NKAIN2: variants seen among roughly 807,000 people sequenced by gnomAD.
NKAIN2 encodes sodium/potassium-transporting ATPase subunit beta-1-interacting protein 2.
A neutral mutation model predicts 32.6 loss-of-function variants in NKAIN2; 14 were observed. That is an observed-to-expected ratio of 0.43 (90% CI 0.28 to 0.67). NKAIN2 has a LOEUF of 0.67. Ranked by LOEUF, NKAIN2 falls within the 30% of genes least tolerant of loss-of-function variation. NKAIN2 has a pLI of 0.17. For missense variants in NKAIN2, 198 were observed against 258.3 expected (o/e 0.77, Z 1.60); for synonymous variants, 80 against 87.2 (o/e 0.92, Z 0.46).
At chr6:124,240,472 T>C (rs1793023967) in intron 1 of NKAIN2, among the ~76,000 whole-genome samples, 1 of 152,168 alleles carries the variant, frequency 6.6e-6, no homozygotes, top group South Asian at 2.1e-4. Context: ...ATATCCCTGA[T>C]GATCATCAGT....
intron 3 of NKAIN2, among the ~76,000 whole-genome samples, chr6:124,608,212 T>A (rs931985330): frequency 6.6e-6 from 1 of 152,134 alleles, no homozygotes; most frequent in Non-Finnish European, 1.5e-5. Context: ...CTCTTACCCA[T>A]GTTGTTTGTT....
At chr6:123,925,455 A>G (rs762888045) in intron 1 of NKAIN2, among the ~76,000 whole-genome samples, 20 of 152,188 alleles carry the variant, frequency 1.3e-4, no homozygotes, top group Non-Finnish European at 2.2e-4. Context: ...AAACCTGCTT[A>G]TGAATAGACT....
At chr6:124,414,469 C>A (rs1774370060) in intron 3 of NKAIN2, among the ~76,000 whole-genome samples, 1 of 152,008 alleles carries the variant, frequency 6.6e-6, no homozygotes, top group Non-Finnish European at 1.5e-5. Context: ...ATTTTCGTTA[C>A]TTGTATTTCT....
At chr6:124,667,844 A>G (rs987686833) in intron 4 of NKAIN2, among the ~76,000 whole-genome samples, 4 of 152,176 alleles carry the variant, frequency 2.6e-5, no homozygotes, top group South Asian at 2.1e-4. Flanking sequence ...CTTAAGCTAA[A>G]TAATTTTTAC....
intron 1 of NKAIN2, among the ~76,000 whole-genome samples, chr6:123,917,475 A>G (rs1407425058): frequency 6.6e-6 from 1 of 152,226 alleles, no homozygotes; most frequent in East Asian, 1.9e-4. Flanking sequence ...CATTCTGTCT[A>G]AAAGTTTGTT....
chr6:124,304,904 C>T (rs893408994), intron 2 of NKAIN2, among the ~76,000 whole-genome samples: 1 of 151,822 alleles, frequency 6.6e-6, no homozygotes, highest in African/African-American at 2.4e-5. Context: ...CAGAACAAGA[C>T]TTGCCTCCAA....
At chr6:124,170,966 A>C (rs186814605) in intron 1 of NKAIN2, among the ~76,000 whole-genome samples, 12 of 152,310 alleles carry the variant, frequency 7.9e-5, no homozygotes, top group Admixed American at 7.2e-4. Flanking sequence ...TCCTTAAAGA[A>C]AATTTACCGT....
intron 1 of NKAIN2, among the ~76,000 whole-genome samples, chr6:123,915,722 A>G (rs55721831): frequency 0.01 from 1,560 of 152,310 alleles, 25 homozygotes; most frequent in African/African-American, 0.036. Context: ...GCAGGATGTG[A>G]AAAGCACATG....
At chr6:124,227,350 T>C (rs914607262) in intron 1 of NKAIN2, among the ~76,000 whole-genome samples, 2 of 152,168 alleles carry the variant, frequency 1.3e-5, no homozygotes, top group African/African-American at 4.8e-5. Flanking sequence ...TAAAAGGAAG[T>C]AGAGCTATAA....
intron 3 of NKAIN2, among the ~76,000 whole-genome samples, chr6:124,551,483 C>A (rs1235040559): frequency 6.6e-6 from 1 of 152,058 alleles, no homozygotes; most frequent in Non-Finnish European, 1.5e-5. Context: ...CCCTTTTTCT[C>A]TCATCGCCCT....
chr6:124,472,066 T>A (rs1253386977), intron 3 of NKAIN2, among the ~76,000 whole-genome samples: 1 of 152,078 alleles, frequency 6.6e-6, no homozygotes, highest in Admixed American at 6.6e-5. Flanking sequence ...TTAGAGCACC[T>A]AAATGAATAG....
chr6:124,722,655 C>T (rs1263460669), intron 4 of NKAIN2, among the ~76,000 whole-genome samples: 1 of 152,174 alleles, frequency 6.6e-6, no homozygotes, highest in Non-Finnish European at 1.5e-5. Flanking sequence ...TGTAATGCTC[C>T]CTTGCCTGCT....
At chr6:124,575,054 T>C (rs2114926777) in intron 3 of NKAIN2, among the ~76,000 whole-genome samples, 1 of 152,306 alleles carries the variant, frequency 6.6e-6, no homozygotes, top group East Asian at 1.9e-4. Context: ...GCCAAAATAT[T>C]TCTGTGTTTA....
chr6:123,995,220 T>C (rs1294114862), intron 1 of NKAIN2, among the ~76,000 whole-genome samples: 1 of 152,126 alleles, frequency 6.6e-6, no homozygotes, highest in African/African-American at 2.4e-5. Context: ...ATGACAGATA[T>C]AGGCATTATA....
chr6:124,428,620 A>T (rs906263280), intron 3 of NKAIN2, among the ~76,000 whole-genome samples: 7 of 152,348 alleles, frequency 4.6e-5, no homozygotes, highest in Admixed American at 1.3e-4. Context: ...TCATAAGTGT[A>T]GGGTGAGTTA....
chr6:124,736,965 A>T (rs773789201), intron 4 of NKAIN2, among the ~76,000 whole-genome samples: 17 of 151,964 alleles, frequency 1.1e-4, no homozygotes, highest in Admixed American at 4.6e-4. Flanking sequence ...ATTTATATGA[A>T]GGAGTTAGGC....
chr6:124,239,785 A>G (rs530400075), intron 1 of NKAIN2, among the ~76,000 whole-genome samples: 8 of 152,326 alleles, frequency 5.3e-5, no homozygotes, highest in Non-Finnish European at 1.0e-4. Flanking sequence ...TGCCCACTGG[A>G]GAAAGCGGGA....
chr6:124,240,839 A>G (rs1417182154), intron 1 of NKAIN2, among the ~76,000 whole-genome samples: 1 of 152,196 alleles, frequency 6.6e-6, no homozygotes, highest in Non-Finnish European at 1.5e-5. Flanking sequence ...AGCACAAGAC[A>G]GGGATACCCT....
At chr6:124,456,293 A>G (rs1776318215) in intron 3 of NKAIN2, among the ~76,000 whole-genome samples, 1 of 150,674 alleles carries the variant, frequency 6.6e-6, no homozygotes, top group Non-Finnish European at 1.5e-5. Context: ...TTTTGATGAT[A>G]TCATGCCATT....
Sources: gnomAD v4.1 joint callset for allele counts (sites outside exome capture counted in the v4.1 genomes callset) on GRCh38, gnomAD v4.1.1 for gene constraint, MANE v1.5 for transcripts, NCBI Gene and HGNC (gene_info 2026-07-23, HGNC 2026-07-21) for gene names.